The following IGF1R variants were observed in gnomAD, a reference collection of about 807,000 sequenced individuals.
IGF1R encodes insulin like growth factor 1 receptor, also known as insulin-like growth factor 1 receptor.
IGF1R carries 44 observed loss-of-function variants against 144.6 expected under a neutral mutation model. That is an observed-to-expected ratio of 0.30 (90% CI 0.24 to 0.39). The LOEUF is 0.39. Among genes scored for constraint, IGF1R ranks in the 10% least tolerant of loss-of-function variants. The pLI, the probability that IGF1R is intolerant of heterozygous loss-of-function variation, is 1.00. For missense variants in IGF1R, 1,355 were observed against 1,833.7 expected (o/e 0.74, Z 4.77); for synonymous variants, 795 against 722.8 (o/e 1.10, Z -1.60).
chr15:98,682,039 C>G lies in IGF1R; in HGVS notation c.95-25523C>G, dbSNP rs2053202292. 2.6e-5 allele frequency among the ~76,000 whole-genome samples: 4 copies of G among 152,228 alleles called. No individual in the cohort carries two copies. The South Asian group carries it at 6.2e-4, about 24-fold the overall frequency. ...GGAAGGAATTCACCACCCTTAGGTC[C>G]TCAGGCATAGGGTCTTCTAGGGGCA... On this transcript the variant is annotated intron_variant, in intron 1 of 20. Transcript: ENST00000650285.
chr15:98,695,854 T>A (rs941768337), intron 1 of IGF1R, among the ~76,000 whole-genome samples: 8 of 152,134 alleles, frequency 5.3e-5, no homozygotes, highest in South Asian at 2.1e-4. Flanking sequence ...GCTGGGTTTC[T>A]GCAGCCGTTC....
chr15:98,956,867 G>A (rs529631039), intron 20 of IGF1R, among the ~76,000 whole-genome samples, 194 bp from the exon 21 acceptor site: 19 of 152,152 alleles, frequency 1.2e-4, no homozygotes, highest in Non-Finnish European at 2.8e-4. Flanking sequence ...GGAACCGTAC[G>A]AGGTAAAACA....
intron 2 of IGF1R, among the ~76,000 whole-genome samples, chr15:98,746,401 C>T (rs1266739965): frequency 2.0e-5 from 3 of 152,170 alleles, no homozygotes; most frequent in African/African-American, 4.8e-5. Flanking sequence ...TCTTGGATGG[C>T]ATTCTTGCAG....
intron 13 of IGF1R, among the ~76,000 whole-genome samples, chr15:98,926,841 C>T (rs2151697973): frequency 6.6e-6 from 1 of 152,280 alleles, no homozygotes; most frequent in South Asian, 2.1e-4. Flanking sequence ...TCCAGTTAAC[C>T]TAGTCTCACC....
At chr15:98,801,928 C>A (rs2056372773) in intron 2 of IGF1R, among the ~76,000 whole-genome samples, 1 of 152,062 alleles carries the variant, frequency 6.6e-6, no homozygotes, top group African/African-American at 2.4e-5. Flanking sequence ...TTTTGTAAAC[C>A]CATCTGGTAA....
chr15:98,867,505 A>G (rs1316782229), intron 2 of IGF1R, among the ~76,000 whole-genome samples: 3 of 149,228 alleles, frequency 2.0e-5, no homozygotes, highest in African/African-American at 7.3e-5. Context: ...CCTGCCTTGC[A>G]TATGCCTTGC....
intron 2 of IGF1R, among the ~76,000 whole-genome samples, chr15:98,781,892 T>G (rs548091147): frequency 1.3e-5 from 2 of 152,338 alleles, no homozygotes; most frequent in African/African-American, 4.8e-5. Flanking sequence ...TAAATGTTAA[T>G]GTAGTCCAAC....
chr15:98,720,110 A>G (rs183078991), intron 2 of IGF1R, among the ~76,000 whole-genome samples: 3 of 152,340 alleles, frequency 2.0e-5, no homozygotes, highest in Admixed American at 2.0e-4. Flanking sequence ...CCAGCTCCTC[A>G]GCCTCCTGTA....
chr15:98,775,951 A>G (rs2055702303), intron 2 of IGF1R, among the ~76,000 whole-genome samples: 1 of 152,194 alleles, frequency 6.6e-6, no homozygotes, highest in South Asian at 2.1e-4. Context: ...CTGATAGTTG[A>G]AAGAATATTT....
intron 2 of IGF1R, among the ~76,000 whole-genome samples, chr15:98,713,582 C>T (rs932810652): frequency 2.0e-5 from 3 of 152,146 alleles, no homozygotes; most frequent in Admixed American, 2.0e-4. Flanking sequence ...AAGCTTGGCA[C>T]GTGAAGCCAT....
At chr15:98,862,547 A>G (rs1047677124) in intron 2 of IGF1R, among the ~76,000 whole-genome samples, 15 of 152,222 alleles carry the variant, frequency 9.9e-5, no homozygotes, top group African/African-American at 3.1e-4. Flanking sequence ...GAGGTTTGTC[A>G]TATCTCTAAA....
chr15:98,870,459 A>G (rs376435873), intron 2 of IGF1R, among the ~76,000 whole-genome samples: 2 of 152,200 alleles, frequency 1.3e-5, no homozygotes, highest in East Asian at 3.9e-4. Context: ...AGGCATCTCT[A>G]GGCAGGTCCA....
chr15:98,878,663 C>CAAAAAAAAAAAAAAAAAAAA (rs138285597), intron 2 of IGF1R, among the ~76,000 whole-genome samples: 2 of 57,906 alleles, frequency 3.5e-5, no homozygotes, highest in Non-Finnish European at 5.8e-5. Flanking sequence ...GTGAAAGACT[C>CAAAAAAAAAAAAAAAAAAAA]AAAAAAAAAA....
intron 2 of IGF1R, among the ~76,000 whole-genome samples, chr15:98,885,588 C>T (rs1567177650): frequency 6.6e-6 from 1 of 152,076 alleles, no homozygotes; most frequent in Non-Finnish European, 1.5e-5. Context: ...AGCCTCCCTG[C>T]GTTTATATGG....
At chr15:98,876,712 A>G (rs554349473) in intron 2 of IGF1R, among the ~76,000 whole-genome samples, 24 of 152,334 alleles carry the variant, frequency 1.6e-4, no homozygotes, top group African/African-American at 4.8e-4. Context: ...TAGATTAAAT[A>G]TAAGTTCCAT....
intron 2 of IGF1R, among the ~76,000 whole-genome samples, chr15:98,819,124 G>C (rs926969516): frequency 1.3e-4 from 20 of 152,220 alleles, no homozygotes; most frequent in African/African-American, 4.6e-4. Flanking sequence ...GACATCCAGG[G>C]GGGGCAAGCT....
chr15:98,808,296 AG>A (rs2056509391), intron 2 of IGF1R, among the ~76,000 whole-genome samples: 1 of 152,236 alleles, frequency 6.6e-6, no homozygotes, highest in African/African-American at 2.4e-5. Flanking sequence ...TGAAACCTAA[AG>A]TTGAAAGAGT....
intron 19 of IGF1R, among the ~76,000 whole-genome samples, chr15:98,945,117 A>G (rs577943348): frequency 1.3e-5 from 2 of 152,244 alleles, no homozygotes; most frequent in East Asian, 1.9e-4. Context: ...CCCTCTAGGC[A>G]TGGAGGAAAC....
chr15:98,771,271 CATTTAG>C lies in IGF1R; in HGVS notation c.640+63165_640+63170del, dbSNP rs889757015. ...TTCTAAGGTGTGCTGGGACCATTTA[CATTTAG>C]TTCTTTGGAGAACACAACTACTTAG... is the stretch of plus-strand genomic sequence containing the variant. On this transcript the variant is annotated intron_variant, in intron 2 of 20. Coordinates refer to ENST00000650285, the MANE Select transcript of IGF1R (RefSeq NM_000875.5). Among the ~76,000 whole-genome samples, 5 of 152,160 alleles carry C rather than the reference CATTTAG, an allele frequency of 3.3e-5. No individual in the cohort carries two copies. In the South Asian group the frequency reaches 6.2e-4, roughly 19 times the overall value.
Sources: gnomAD v4.1 joint callset for allele counts (sites outside exome capture counted in the v4.1 genomes callset) on GRCh38, gnomAD v4.1.1 for gene constraint, MANE v1.5 for transcripts, NCBI Gene and HGNC (gene_info 2026-07-23, HGNC 2026-07-21) for gene names.